PLXNA1: variants seen among roughly 807,000 people sequenced by gnomAD.
PLXNA1 encodes plexin-A1.
A neutral mutation model predicts 191.7 loss-of-function variants in PLXNA1; 77 were observed. The ratio of observed to expected loss-of-function variants is 0.40; its 90% CI spans 0.33 to 0.49. The LOEUF is 0.49. Ranked by LOEUF, PLXNA1 falls within the 20% of genes least tolerant of loss-of-function variation. PLXNA1 has a pLI of 0.63. For synonymous variants in PLXNA1, 1,137 were observed against 1,156.4 expected, an observed-to-expected ratio of 0.98 and a Z score of 0.34; for missense variants, 2,110 against 2,660.2, an observed-to-expected ratio of 0.79 and a Z score of 4.55.
chr3:127,004,610 G>A lies in PLXNA1; in HGVS notation c.1519-1G>A. ...GGGGCCTGACACCTCCCCCACACCA[G>A]GTGACGCGGGTGCCTGTGGAGAGCT... On this transcript the variant is annotated splice_acceptor_variant, in intron 4 of 31. Coordinates refer to ENST00000393409, the MANE Select transcript of PLXNA1 (RefSeq NM_032242.4). LOFTEE classifies it high-confidence loss of function. 6.4e-7 allele frequency: 1 copy of A among 1,564,842 alleles called. No homozygotes were observed. The highest frequency in any genetic ancestry group is 1.2e-5 in the South Asian group (1 of 85,300).
chr3:127,029,865 G>C lies in PLXNA1; in HGVS notation c.4871-9G>C, dbSNP rs1285088366. The C allele has an allele frequency of 6.3e-7, 1 of 1,598,594 alleles. No individual in the cohort carries two copies. The highest frequency in any genetic ancestry group is 1.3e-5 in the African/African-American group (1 of 74,620). On this transcript the variant is annotated splice_polypyrimidine_tract_variant and intron_variant, in intron 27 of 31. Transcript: ENST00000393409. ...AGCCAACGCGGGCGCTGACAGCCTG[G>C]TGCTGCAGAGAGCATGCTGCGCACG...
chr3:126,992,098 C>T (rs942948644), intron 3 of PLXNA1, among the ~76,000 whole-genome samples: 3 of 152,174 alleles, frequency 2.0e-5, no homozygotes, highest in African/African-American at 7.2e-5. Context: ...GCACACAGCC[C>T]TGGGCTGGCC....
In PLXNA1 at chr3:126,983,253, G is replaced by A. The variant is rs1393522649; in HGVS notation, c.-108G>A. 1.4e-5 allele frequency among the ~76,000 whole-genome samples: 2 copies of A among 143,046 alleles called. No individual in the cohort carries two copies. Among genetic ancestry groups the A allele is most frequent in the African/African-American group, 5.0e-5 (2 of 39,914 alleles). 93.8% of individuals were successfully genotyped at this position (143,046 alleles called of 152,430 possible). A position where few individuals can be genotyped will look rare whatever the true frequency, so the allele number is the denominator to read the frequency against. ...GGCGGCGCGGGCGGCTGGGCGCGGCGATGGCCGGCGGCGGGGCGCGCCCCG... is the reference window on the plus strand; with the variant it reads ...GGCGGCGCGGGCGGCTGGGCGCGGCAATGGCCGGCGGCGGGGCGCGCCCCG... On this transcript the variant is annotated 5_prime_UTR_variant, in exon 1 of 32. Transcript: ENST00000393409.
chr3:127,029,966 C>T lies in PLXNA1; in HGVS notation c.4963C>T (p.His1655Tyr). 6.2e-7 allele frequency: 1 copy of T among 1,613,742 alleles called. No individual in the cohort carries two copies. The highest frequency in any genetic ancestry group is 8.5e-7 in the Non-Finnish European group (1 of 1,179,964). ...CCTGGAGAGCGGCACCAAGCTGTGG[C>T]ACCTGGTGAAGAACCACGACCACCT... ...PDLESGTKLW[H>Y]LVKNHDHLDQ... Residue 1655 changes from histidine (H) to tyrosine (Y), a missense_variant, in exon 28 of 32, where the codon CAC becomes TAC. By Grantham distance (83) the His-to-Tyr change is moderately conservative. This residue lies in a region of PLXNA1 where 559 missense variants were observed against 911.5 expected (regional missense o/e 0.61). Transcript: ENST00000393409.
At chr3:127,031,324 C>T (rs2079209776) in intron 29 of PLXNA1, among the ~76,000 whole-genome samples, 1 of 152,210 alleles carries the variant, frequency 6.6e-6, no homozygotes, top group Admixed American at 6.5e-5. Flanking sequence ...TTGCCTGCTA[C>T]AGGGGAGCCC....
rs1410475142 is a variant in PLXNA1 at position 127,030,053 on chromosome 3, C to T, written c.5050C>T (p.Leu1684=). ...CTCGGAGATCTACTTGACACGGCTA[C>T]TGGCCACCAAGGTGGGCCTGGCTGG... is the stretch of plus-strand genomic sequence containing the variant. ...MVSEIYLTRL[L]ATKGTLQKFV... The change falls in exon 28 of 32, where the codon CTG becomes TTG. Residue 1684 remains leucine (L), a synonymous_variant. Coordinates refer to ENST00000393409, the MANE Select transcript of PLXNA1 (RefSeq NM_032242.4). 3 of 1,611,040 alleles carry T rather than the reference C, an allele frequency of 1.9e-6. No individual in the cohort carries two copies. In the African/African-American group the frequency reaches 4.0e-5, roughly 22 times the overall value.
chr3:127,012,296 C>A, intron 10 of PLXNA1, 138 bp downstream of exon 10: 1 of 896,456 alleles, frequency 1.1e-6, no homozygotes, highest in Non-Finnish European at 1.7e-6. Flanking sequence ...TCAGAAGCCA[C>A]TCCTGGCTTC....
Position 126,991,381 on chromosome 3 carries a change from C to T in PLXNA1, c.1195-3C>T, listed in dbSNP as rs2078989273. 6.2e-7 allele frequency: 1 copy of T among 1,612,434 alleles called. No individual in the cohort carries two copies. The highest frequency in any genetic ancestry group is 8.5e-7 in the Non-Finnish European group (1 of 1,179,718). On this transcript the variant is annotated splice_polypyrimidine_tract_variant and splice_region_variant and intron_variant, in intron 2 of 31. Transcript: ENST00000393409. ...GTGGCTCTCACCCTGCCCCTTCCCA[C>T]AGCCCCTGCAGATCGATGACGACTT...
chr3:126,996,413 AT>A (rs1268280084), intron 3 of PLXNA1, among the ~76,000 whole-genome samples: 1 of 152,126 alleles, frequency 6.6e-6, no homozygotes, highest in Non-Finnish European at 1.5e-5. Flanking sequence ...GGATTTTGGA[AT>A]TTGTAAGTTC....
intron 3 of PLXNA1, among the ~76,000 whole-genome samples, chr3:126,995,300 C>T (rs2079010004): frequency 6.6e-6 from 1 of 152,140 alleles, no homozygotes; most frequent in Admixed American, 6.5e-5. Context: ...GCCCTGCTCC[C>T]AGCTCCTCCC....
chr3:127,012,492 A>G (rs2079101018), intron 10 of PLXNA1, among the ~76,000 whole-genome samples: 1 of 152,240 alleles, frequency 6.6e-6, no homozygotes, highest in Non-Finnish European at 1.5e-5. Flanking sequence ...GGTCCCAGGC[A>G]TGGGCTGATC....
At chr3:127,033,418 G>C (rs1260793339) in intron 31 of PLXNA1, among the ~76,000 whole-genome samples, 5 of 152,208 alleles carry the variant, frequency 3.3e-5, no homozygotes, top group African/African-American at 1.2e-4. Flanking sequence ...GGGGAGGCCA[G>C]GGCAGGTGCA....
intron 9 of PLXNA1, 81 bp downstream of exon 9, chr3:127,007,994 G>T (rs1254412565): frequency 1.1e-5 from 10 of 916,540 alleles, no homozygotes; most frequent in Non-Finnish European, 1.7e-5. Context: ...GGTGTCGCCT[G>T]AGGCCTGGCC....
At chr3:126,985,481 C>T (rs1202982216) in intron 1 of PLXNA1, among the ~76,000 whole-genome samples, 4 of 152,046 alleles carry the variant, frequency 2.6e-5, no homozygotes, top group African/African-American at 2.4e-5. Context: ...CAGGCCTTTG[C>T]TCCTCCTGTT....
At chr3:127,016,780 C>A in intron 16 of PLXNA1, 96 bp downstream of exon 16, 1 of 1,459,358 alleles carries the variant, frequency 6.9e-7, no homozygotes, top group Non-Finnish European at 9.5e-7. Flanking sequence ...GGCCCTCCTG[C>A]ATGCCGGGTA....
chr3:127,009,915 CTT>C (rs2079087628), intron 9 of PLXNA1, among the ~76,000 whole-genome samples: 1 of 152,210 alleles, frequency 6.6e-6, no homozygotes, highest in African/African-American at 2.4e-5. Flanking sequence ...GAAGTCGGGA[CTT>C]TCTCTTAGAA....
rs369468564 is a variant in PLXNA1, at chr3:126,988,865, A to G, written c.272A>G (p.Asp91Gly). ...LRAHVTGPVE[D>G]NEKCYPPPSV... Reference sequence around the variant, plus strand: ...GCCCACGTCACGGGCCCTGTGGAGGACAACGAGAAGTGCTACCCGCCGCCC... The same window carrying G: ...GCCCACGTCACGGGCCCTGTGGAGGGCAACGAGAAGTGCTACCCGCCGCCC... The change falls in exon 2 of 32, where the codon GAC (aspartate) becomes GGC (glycine). Residue 91 changes from aspartate (D) to glycine (G), a missense_variant. Transcript: ENST00000393409. 5.6e-6 allele frequency: 9 copies of G among 1,613,262 alleles called. No individual in the cohort carries two copies. Among genetic ancestry groups the G allele is most frequent in the Non-Finnish European group, 6.8e-6 (8 of 1,180,024 alleles).
chr3:127,022,341 G>A lies in PLXNA1; in HGVS notation c.4295G>A (p.Arg1432Gln), dbSNP rs1424388701. The A allele has an allele frequency of 6.8e-6, 11 of 1,608,330 alleles. No individual in the cohort carries two copies. The highest frequency in any genetic ancestry group is 2.2e-5 in the East Asian group (1 of 44,722). Reference sequence around the variant, plus strand: ...AACCACCCCAAGCTGCTACTGCGCCGGTGAGCCTGGGGGGCACTGGGGTTG... The same window carrying A: ...AACCACCCCAAGCTGCTACTGCGCCAGTGAGCCTGGGGGGCACTGGGGTTG... ...SKNHPKLLLR[R>Q]TESVAEKMLT... The change falls in exon 22 of 32, where the codon CGG becomes CAG. Residue 1432 changes from arginine to glutamine, a missense_variant and splice_region_variant. Physicochemically the swap from Arg to Gln is conservative, Grantham distance 43. Coordinates refer to ENST00000393409, the MANE Select transcript of PLXNA1 (RefSeq NM_032242.4).
intron 3 of PLXNA1, among the ~76,000 whole-genome samples, chr3:126,994,131 G>A (rs925181236): frequency 6.6e-6 from 1 of 152,120 alleles, no homozygotes; most frequent in African/African-American, 2.4e-5. Context: ...GACAGGTGGG[G>A]AAACTGAGTG....
Sources: gnomAD v4.1 joint callset for allele counts (sites outside exome capture counted in the v4.1 genomes callset) on GRCh38, gnomAD v4.1.1 for gene constraint, gnomAD v4.1.1 regional missense constraint, MANE v1.5 for transcripts, NCBI Gene and HGNC (gene_info 2026-07-23, HGNC 2026-07-21) for gene names.